The following DES variants were observed in gnomAD, a reference collection of about 807,000 sequenced individuals.
DES encodes desmin, also known as cardiomyopathy, dilated 1F (autosomal dominant).
DES carries 34 observed loss-of-function variants against 55.1 expected under a neutral mutation model. The observed-to-expected ratio is 0.62, with a 90% confidence interval of 0.47 to 0.82. The LOEUF (loss-of-function observed/expected upper bound fraction) is 0.82. DES is among the 40% of genes least tolerant of loss of function. DES has a pLI of 0.00. For missense variants in DES, 596 were observed against 645.9 expected (o/e 0.92, Z 0.84); for synonymous variants, 259 against 270.8 (o/e 0.96, Z 0.43).
chr2:219,422,032 G>A (rs908070596), intron 6 of DES, among the ~76,000 whole-genome samples: 1 of 152,142 alleles, frequency 6.6e-6, no homozygotes, highest in Non-Finnish European at 1.5e-5. Flanking sequence ...GGCCACCTGG[G>A]TAAAAAGCAA....
Position 219,421,506 on chromosome 2 carries a change from C to G in DES, c.1190C>G (p.Ala397Gly). 6.2e-7 allele frequency: 1 copy of G among 1,614,062 alleles called. No individual in the cohort carries two copies. Among genetic ancestry groups the G allele is most frequent in the Non-Finnish European group, 8.5e-7 (1 of 1,180,008 alleles). Residue 397 changes from alanine to glycine, a missense_variant, in exon 6 of 9, where the codon GCC becomes GGC. Transcript: ENST00000373960. ...EYQDLLNVKM[A>G]LDVEIATYRK... ...CAGGACCTGCTCAACGTGAAGATGG[C>G]CCTGGATGTGGAGATTGCCACCTAC...
Position 219,425,730 on chromosome 2 carries a change from G to A in DES, c.1356G>A (p.Glu452=). The change falls in exon 8 of 9, where the codon GAG becomes GAA. Residue 452 remains glutamate, a synonymous_variant. Transcript: ENST00000373960. The part of the protein sequence containing the change: ...TKKTVMIKTI[E]TRDGEVVSEA... ...AGACGGTGATGATCAAGACCATCGA[G>A]ACACGGGATGGGGAGGTAAGTGGTC... 6.2e-7 allele frequency: 1 copy of A among 1,604,168 alleles called. No homozygotes were observed. Among genetic ancestry groups the A allele is most frequent in the Non-Finnish European group, 8.5e-7 (1 of 1,175,554 alleles).
chr2:219,419,121 A>G lies in DES; in HGVS notation c.578+81A>G. On this transcript the variant is annotated intron_variant, in intron 1 of 8. Coordinates refer to ENST00000373960, the MANE Select transcript of DES (RefSeq NM_001927.4). The surrounding 1 kb of genome is among the most constrained non-coding windows in gnomAD (Gnocchi z 4.3). ...GCCTGGGGTCTGGGGTCCCGCTGTC[A>G]GCACCTGCCTTCTCCCGGGGCCCGG... 1 of 1,532,634 alleles carries G rather than the reference A, an allele frequency of 6.5e-7. No individual in the cohort carries two copies. The highest frequency in any genetic ancestry group is 1.2e-5 in the South Asian group (1 of 83,676). The allele number at this position is 1,532,634 out of a possible 1,614,324, so 94.9% of individuals were successfully genotyped here.
intron 6 of DES, among the ~76,000 whole-genome samples, chr2:219,421,885 C>T (rs1336217507): frequency 1.3e-5 from 2 of 152,026 alleles, no homozygotes; most frequent in African/African-American, 2.4e-5. Context: ...CAGCTGGTCT[C>T]GAACTCCTGA....
chr2:219,426,457 T>TG lies in DES; in HGVS notation c.*473dup. ...CAGGGGGACTAGCCCCTGTGGAGAC[T>TG]GGGGGGCTTGAAATTGTCCCCGTGG... On this transcript the variant is annotated 3_prime_UTR_variant, in exon 9 of 9. Transcript: ENST00000373960. This position sits in a 1 kb window ranked among gnomAD's most constrained non-coding sequence, Gnocchi z 4.5. 4.1e-6 allele frequency: 1 copy of TG among 242,312 alleles called. No homozygotes were observed. The highest frequency in any genetic ancestry group is 8.3e-6 in the Non-Finnish European group (1 of 121,170). 15.0% of individuals were successfully genotyped at this position (242,312 alleles called of 1,614,324 possible). A position where few individuals can be genotyped will look rare whatever the true frequency, so the allele number is the denominator to read the frequency against.
In DES at chr2:219,420,556, C is replaced by T. The variant is rs1316058461; in HGVS notation, c.797C>T (p.Ser266Phe). The change falls in exon 4 of 9, where the codon TCT becomes TTT. Residue 266 changes from serine (S) to phenylalanine (F), a missense_variant. Ser to Phe is a radical substitution (Grantham distance 155, BLOSUM62 -2). Coordinates refer to ENST00000373960, the MANE Select transcript of DES (RefSeq NM_001927.4). This position sits in a 1 kb window ranked among gnomAD's most constrained non-coding sequence, Gnocchi z 6.0. ...CAGGTCCAGGTGGAGATGGACATGT[C>T]TAAGCCAGACCTCACTGCCGCCCTC... ...EQQVQVEMDM[S>F]KPDLTAALRD... 6.2e-7 allele frequency: 1 copy of T among 1,613,830 alleles called. No individual in the cohort carries two copies. The highest frequency in any genetic ancestry group is 1.7e-5 in the Admixed American group (1 of 59,992).
chr2:219,420,100 A>T lies in DES; in HGVS notation c.584A>T (p.Gln195Leu). Reference sequence around the variant, plus strand: ...TTTCTGTCTGTCCCACCCAGGCTGCAGGAGGAGATTCAGTTGAAGGAAGAA... The same window carrying T: ...TTTCTGTCTGTCCCACCCAGGCTGCTGGAGGAGATTCAGTTGAAGGAAGAA... ...DDLQRLKAKL[Q>L]EEIQLKEEAE... The change falls in exon 2 of 9, where the codon CAG becomes CTG. Residue 195 changes from glutamine to leucine, a missense_variant. By Grantham distance (113) the Gln-to-Leu change is moderately radical. Transcript: ENST00000373960. This position sits in a 1 kb window ranked among gnomAD's most constrained non-coding sequence, Gnocchi z 6.0. 2 of 1,614,178 alleles carry T rather than the reference A, an allele frequency of 1.2e-6. No individual in the cohort carries two copies. The highest frequency in any genetic ancestry group is 1.7e-6 in the Non-Finnish European group (2 of 1,180,022).
At chr2:219,425,527 G>A in intron 7 of DES, 136 bp from the exon 8 acceptor site, 4 of 762,348 alleles carry the variant, frequency 5.2e-6, no homozygotes, top group Non-Finnish European at 9.1e-6. Context: ...AAGTCTTGAA[G>A]AAGTAACAAG....
Position 219,418,684 on chromosome 2 carries a change from G to T in DES, c.222G>T (p.Leu74=). 6.3e-7 allele frequency: 1 copy of T among 1,575,158 alleles called. No individual in the cohort carries two copies. The highest frequency in any genetic ancestry group is 2.3e-5 in the East Asian group (1 of 43,112). The change falls in exon 1 of 9, where the codon CTG becomes CTT. Residue 74 remains leucine (L), a synonymous_variant. Transcript: ENST00000373960. ...TGGGGTCGCTGCGGGCCAGCCGGCTGGGGACCACCCGCACGCCCTCCTCCT... is the reference window on the plus strand; with the variant it reads ...TGGGGTCGCTGCGGGCCAGCCGGCTTGGGACCACCCGCACGCCCTCCTCCT... The part of the protein sequence containing the change: ...GGLGSLRASR[L]GTTRTPSSYG...
At position 219,418,872 on chromosome 2, in the gene DES, C is replaced by T. The variant is rs775115627; in HGVS notation, c.410C>T (p.Ala137Val). 1.9e-6 allele frequency: 3 copies of T among 1,573,814 alleles called. No homozygotes were observed. The highest frequency in any genetic ancestry group is 2.3e-5 in the East Asian group (1 of 42,714). ...RFLEQQNAAL[A>V]AEVNRLKGRE... Reference sequence around the variant, plus strand: ...CTGGAGCAGCAGAACGCGGCGCTCGCCGCCGAAGTGAACCGGCTCAAGGGC... The same window carrying T: ...CTGGAGCAGCAGAACGCGGCGCTCGTCGCCGAAGTGAACCGGCTCAAGGGC... Residue 137 changes from alanine to valine, a missense_variant, in exon 1 of 9, where the codon GCC becomes GTC. Coordinates refer to ENST00000373960, the MANE Select transcript of DES (RefSeq NM_001927.4).
chr2:219,425,995 A>G lies in DES; in HGVS notation c.*5A>G, dbSNP rs1345260637. ...CAGCAGCATGAAGTGCTCTAAAGAC[A>G]GAGACCCTCTGCCACCAGAGACCGT... On this transcript the variant is annotated 3_prime_UTR_variant, in exon 9 of 9. Coordinates refer to ENST00000373960, the MANE Select transcript of DES (RefSeq NM_001927.4). 6.2e-7 allele frequency: 1 copy of G among 1,613,986 alleles called. No individual in the cohort carries two copies. The highest frequency in any genetic ancestry group is 1.1e-5 in the South Asian group (1 of 91,076).
chr2:219,424,625 C>T (rs1954504101), intron 7 of DES, among the ~76,000 whole-genome samples: 1 of 152,236 alleles, frequency 6.6e-6, no homozygotes, highest in African/African-American at 2.4e-5. Flanking sequence ...ACCTTTCCTA[C>T]ACAACTCAGA....
In DES at chr2:219,420,009, C is replaced by G; in HGVS notation, c.579-86C>G. 8.3e-6 allele frequency: 12 copies of G among 1,451,634 alleles called. No individual in the cohort carries two copies. The highest frequency in any genetic ancestry group is 1.2e-5 in the Non-Finnish European group (12 of 1,033,846). 89.9% of individuals were successfully genotyped at this position (1,451,634 alleles called of 1,614,324 possible). A position where few individuals can be genotyped will look rare whatever the true frequency, so the allele number is the denominator to read the frequency against. On this transcript the variant is annotated intron_variant, in intron 1 of 8. Coordinates refer to ENST00000373960, the MANE Select transcript of DES (RefSeq NM_001927.4). The surrounding 1 kb of genome is among the most constrained non-coding windows in gnomAD (Gnocchi z 6.0). ...CAGGCCCTCCCGCTCTGTCCTGGAC[C>G]CACCCCCTGGTCAGCCCCCGGCCAG...
At position 219,426,124 on chromosome 2, in the gene DES, G is replaced by A. The variant is rs1954532444; in HGVS notation, c.*134G>A. 1.9e-6 allele frequency: 2 copies of A among 1,050,870 alleles called. No individual in the cohort carries two copies. The highest frequency in any genetic ancestry group is 2.0e-4 in the Middle Eastern group (1 of 4,996). The allele number at this position is 1,050,870 out of a possible 1,614,324, so 65.1% of individuals were successfully genotyped here. ...TCACAGCCTCTGACCCCTCCTCACTGGCCATCCCTCGTGGTCCCCAACAGC... is the reference window on the plus strand; with the variant it reads ...TCACAGCCTCTGACCCCTCCTCACTAGCCATCCCTCGTGGTCCCCAACAGC... On this transcript the variant is annotated 3_prime_UTR_variant, in exon 9 of 9. Coordinates refer to ENST00000373960, the MANE Select transcript of DES (RefSeq NM_001927.4). The surrounding 1 kb of genome is among the most constrained non-coding windows in gnomAD (Gnocchi z 4.5).
Position 219,425,963 on chromosome 2 carries a change from C to G in DES, c.1386C>G (p.Ala462=), listed in dbSNP as rs1135931. ...TTCCTCCCCAGGTCGTCAGTGAGGCCACACAGCAGCAGCATGAAGTGCTCT... is the reference window on the plus strand; with the variant it reads ...TTCCTCCCCAGGTCGTCAGTGAGGCGACACAGCAGCAGCATGAAGTGCTCT... ...ETRDGEVVSE[A]TQQQHEVL The change falls in exon 9 of 9, where the codon GCC becomes GCG. Residue 462 remains alanine, a synonymous_variant. Transcript: ENST00000373960. 2.5e-6 allele frequency: 4 copies of G among 1,614,070 alleles called. No homozygotes were observed. Among genetic ancestry groups the G allele is most frequent in the Non-Finnish European group, 3.4e-6 (4 of 1,180,002 alleles).
chr2:219,423,441 CT>C (rs537614128), intron 6 of DES, among the ~76,000 whole-genome samples: 266 of 133,502 alleles, frequency 2.0e-3, no homozygotes, highest in East Asian at 2.2e-3. Flanking sequence ...TGGGAGGGTT[CT>C]TTTTTTTTTT....
intron 7 of DES, 42 bp from the exon 8 acceptor site, chr2:219,425,621 C>G (rs1161267900): frequency 1.9e-6 from 3 of 1,541,190 alleles, no homozygotes; most frequent in Non-Finnish European, 2.6e-6. Flanking sequence ...ATAGCCCAGC[C>G]TGGACTTGGT....
chr2:219,425,340 C>G, intron 7 of DES: 4 of 382,680 alleles, frequency 1.0e-5, no homozygotes, highest in South Asian at 7.5e-5. Flanking sequence ...TGGAGAGGAA[C>G]TAGGAGGGAT....
At position 219,420,990 on chromosome 2, in the gene DES, C is replaced by T; in HGVS notation, c.1023+37C>T. On this transcript the variant is annotated intron_variant, in intron 5 of 8. Coordinates refer to ENST00000373960, the MANE Select transcript of DES (RefSeq NM_001927.4). The surrounding 1 kb of genome is among the most constrained non-coding windows in gnomAD (Gnocchi z 6.0). The stretch of plus-strand genomic sequence containing the variant: ...CCCACCTGGCCAGGCCCTGCCCCTT[C>T]CTGTCTGCAGTTCACACCCTCACTT... 1 of 1,605,918 alleles carries T rather than the reference C, an allele frequency of 6.2e-7. No individual in the cohort carries two copies. Among genetic ancestry groups the T allele is most frequent in the Non-Finnish European group, 8.5e-7 (1 of 1,177,052 alleles).
Sources: allele counts gnomAD v4.1 joint callset (sites outside exome capture counted in the v4.1 genomes callset), GRCh38; gene constraint gnomAD v4.1.1; non-coding constraint Gnocchi (gnomAD v3.1); transcripts MANE v1.5; gene names NCBI Gene and HGNC (gene_info 2026-07-23, HGNC 2026-07-21).